Variants in CDK13 observed in about 807,000 individuals in gnomAD.
CDK13 encodes cyclin-dependent kinase 13.
A neutral mutation model predicts 137.6 loss-of-function variants in CDK13; 40 were observed. The ratio of observed to expected loss-of-function variants is 0.29; its 90% CI spans 0.23 to 0.38. The LOEUF (loss-of-function observed/expected upper bound fraction) is 0.38, where lower values mean the gene tolerates loss of function less well. CDK13 is among the 10% of genes least tolerant of loss of function. The pLI, the probability that CDK13 is intolerant of heterozygous loss-of-function variation, is 1.00. For synonymous variants in CDK13, 869 were observed against 760.1 expected (o/e 1.14, Z -2.36); for missense variants, 1,704 against 1,951.8 (o/e 0.87, Z 2.39).
intron 1 of CDK13, among the ~76,000 whole-genome samples, chr7:39,964,485 T>A (rs552331654): frequency 6.7e-6 from 1 of 149,974 alleles, no homozygotes; most frequent in South Asian, 2.1e-4. Context: ...TATCATTTTT[T>A]ATTGCATCTA....
At chr7:40,088,413 C>A in intron 12 of CDK13, 82 bp downstream of exon 12, 1 of 1,066,872 alleles carries the variant, frequency 9.4e-7, no homozygotes, top group Non-Finnish European at 1.4e-6. Flanking sequence ...GTTAAAGCAT[C>A]TTGTGGCTAA....
rs143986269 is a variant in CDK13, at chr7:40,055,874, G to A, written c.2601-6952G>A. On this transcript the variant is annotated intron_variant, in intron 7 of 13. Transcript: ENST00000181839. ...TGGGATTACAGGCATGAGCCACCACGCCCGGATGGATTTTCTTTTATTTGT... is the reference window on the plus strand; with the variant it reads ...TGGGATTACAGGCATGAGCCACCACACCCGGATGGATTTTCTTTTATTTGT... Among the ~76,000 whole-genome samples the A allele has an allele frequency of 4.5e-4, 68 of 152,196 alleles. No homozygotes were observed. In the East Asian group the frequency reaches 0.013, roughly 28 times the overall value.
intron 5 of CDK13, among the ~76,000 whole-genome samples, chr7:40,038,485 C>T (rs956574577): frequency 6.6e-6 from 1 of 152,046 alleles, no homozygotes; most frequent in African/African-American, 2.4e-5. Flanking sequence ...GGTACAAGTT[C>T]CTAGAATTGG....
At chr7:40,064,307 G>A (rs866907515) in intron 9 of CDK13, among the ~76,000 whole-genome samples, 3 of 148,852 alleles carry the variant, frequency 2.0e-5, no homozygotes, top group Non-Finnish European at 4.4e-5. Flanking sequence ...AAAAAAAGGT[G>A]GGGGGGCTTC....
At chr7:39,976,306 C>CTG (rs1202125244) in intron 1 of CDK13, among the ~76,000 whole-genome samples, 1 of 83,626 alleles carries the variant, frequency 1.2e-5, no homozygotes, top group African/African-American at 3.7e-5. Flanking sequence ...CTCTCTCTCT[C>CTG]TCTCTCTCTC....
intron 5 of CDK13, among the ~76,000 whole-genome samples, chr7:40,033,404 A>G (rs1304215501): frequency 6.6e-6 from 1 of 152,188 alleles, no homozygotes; most frequent in Non-Finnish European, 1.5e-5. Flanking sequence ...GCTATATCTG[A>G]GTCTGACTCT....
rs574782449 is a variant in CDK13, at chr7:40,006,545, G to A, written c.2353+4514G>A. On this transcript the variant is annotated intron_variant, in intron 5 of 13. Transcript: ENST00000181839. ...ATTCTCTGGGTAGGCTGAGTGTGGTGGCTAACACCTGTAATCCCAGCACTT... is the reference window on the plus strand; with the variant it reads ...ATTCTCTGGGTAGGCTGAGTGTGGTAGCTAACACCTGTAATCCCAGCACTT... 3.3e-5 allele frequency among the ~76,000 whole-genome samples: 5 copies of A among 152,254 alleles called. No individual in the cohort carries two copies. The South Asian group carries it at 1.0e-3, about 32-fold the overall frequency.
chr7:39,981,469 A>G (rs1784222283), intron 1 of CDK13, among the ~76,000 whole-genome samples: 1 of 152,108 alleles, frequency 6.6e-6, no homozygotes, highest in African/African-American at 2.4e-5. Flanking sequence ...ATAATTCATT[A>G]TATAGTTTTA....
At chr7:40,026,756 C>T (rs1785252042) in intron 5 of CDK13, among the ~76,000 whole-genome samples, 1 of 152,128 alleles carries the variant, frequency 6.6e-6, no homozygotes, top group African/African-American at 2.4e-5. Context: ...TTCCAGCCTT[C>T]ATTTTAAAAT....
At chr7:39,965,395 C>T (rs1255051110) in intron 1 of CDK13, among the ~76,000 whole-genome samples, 1 of 152,076 alleles carries the variant, frequency 6.6e-6, no homozygotes, top group African/African-American at 2.4e-5. Flanking sequence ...TTCTTTTGAT[C>T]TTTGTTGGCT....
chr7:40,077,727 A>G (rs1404043873), intron 9 of CDK13, among the ~76,000 whole-genome samples: 1 of 152,052 alleles, frequency 6.6e-6, no homozygotes, highest in Admixed American at 6.6e-5. Context: ...GTGGTGGCGC[A>G]TGCCTATAAT....
At position 39,988,489 on chromosome 7, in the gene CDK13, A is replaced by G. The variant is rs770538774; in HGVS notation, c.1871+231A>G. On this transcript the variant is annotated intron_variant, in intron 2 of 13. Coordinates refer to ENST00000181839, the MANE Select transcript of CDK13 (RefSeq NM_003718.5). ...GGAAAAATTGCCATTGTCTTGGGATACAATGAATATTTCAATATGATTTTG... is the reference window on the plus strand; with the variant it reads ...GGAAAAATTGCCATTGTCTTGGGATGCAATGAATATTTCAATATGATTTTG... Among the ~76,000 whole-genome samples the G allele has an allele frequency of 5.9e-5, 9 of 152,272 alleles. No homozygotes were observed. The East Asian group carries it at 1.4e-3, about 23-fold the overall frequency.
chr7:39,964,217 T>A lies in CDK13; in HGVS notation c.1211+12365T>A, dbSNP rs560894279. On this transcript the variant is annotated intron_variant, in intron 1 of 13. Transcript: ENST00000181839. ...TGGTACCAGCTCCTCCTTGTACCTC[T>A]GGTAGAATTCAGCTGTGAATCCATG... Among the ~76,000 whole-genome samples, 8 of 152,362 alleles carry A rather than the reference T, an allele frequency of 5.3e-5. No homozygotes were observed. In the South Asian group the frequency reaches 1.0e-3, roughly 20 times the overall value.
chr7:40,038,931 G>C (rs1383168083), intron 5 of CDK13, among the ~76,000 whole-genome samples: 1 of 152,124 alleles, frequency 6.6e-6, no homozygotes, highest in Non-Finnish European at 1.5e-5. Flanking sequence ...CCGACCTCAG[G>C]TGATCTGCCC....
At position 39,950,485 on chromosome 7, in the gene CDK13, C is replaced by T. The variant is rs1202362809; in HGVS notation, c.-157C>T. On this transcript the variant is annotated 5_prime_UTR_variant, in exon 1 of 14. Transcript: ENST00000181839. The stretch of plus-strand genomic sequence containing the variant: ...CCCACTGTGACCTGGAACCCAGGGA[C>T]CCGAGTCCCGACCCGGATTATCGTG... 10 of 1,261,102 alleles carry T rather than the reference C, an allele frequency of 7.9e-6. No individual in the cohort carries two copies. Among genetic ancestry groups the T allele is most frequent in the African/African-American group, 1.5e-5 (1 of 64,560 alleles). 78.1% of individuals were successfully genotyped at this position (1,261,102 alleles called of 1,614,324 possible). A position where few individuals can be genotyped will look rare whatever the true frequency, so the allele number is the denominator to read the frequency against.
intron 5 of CDK13, chr7:40,002,313 A>C: frequency 5.4e-6 from 1 of 184,168 alleles, no homozygotes; most frequent in Non-Finnish European, 1.1e-5. Flanking sequence ...TTCATTTTTT[A>C]GTAGTTGAAA....
At chr7:40,015,672 A>C (rs1784988652) in intron 5 of CDK13, among the ~76,000 whole-genome samples, 1 of 152,186 alleles carries the variant, frequency 6.6e-6, no homozygotes, top group African/African-American at 2.4e-5. Context: ...GGAAGAAATA[A>C]AAATTTTAGT....
chr7:39,962,881 A>G (rs987916326), intron 1 of CDK13, among the ~76,000 whole-genome samples: 14 of 152,198 alleles, frequency 9.2e-5, no homozygotes, highest in African/African-American at 3.1e-4. Flanking sequence ...TAAATAGGGA[A>G]TCCTTTCCCC....
chr7:40,094,330 G>A lies in CDK13; in HGVS notation c.3889G>A (p.Gly1297Arg), dbSNP rs139367044. The A allele has an allele frequency of 9.3e-6, 15 of 1,613,586 alleles. No homozygotes were observed. In the Admixed American group the frequency reaches 1.0e-4, roughly 11 times the overall value. The part of the protein sequence containing the change: ...TSSSLTDPHA[G>R]VKAALLQLLA... ...TTCTTCATTAACTGACCCTCATGCC[G>A]GAGTGAAGGCAGCCCTGTTACAGCT... is the stretch of plus-strand genomic sequence containing the variant. Residue 1297 changes from glycine to arginine, a missense_variant, in exon 14 of 14, where the codon GGA becomes AGA. Physicochemically the swap from Gly to Arg is moderately radical, Grantham distance 125 (BLOSUM62 -2). Around this residue, in one of 5 missense-constraint regions of CDK13, gnomAD observed 475 missense variants for 579.3 expected, o/e 0.82. Coordinates refer to ENST00000181839, the MANE Select transcript of CDK13 (RefSeq NM_003718.5).
Sources: gnomAD v4.1 joint callset for allele counts (sites outside exome capture counted in the v4.1 genomes callset) on GRCh38, gnomAD v4.1.1 for gene constraint, gnomAD v4.1.1 regional missense constraint, MANE v1.5 for transcripts, NCBI Gene and HGNC (gene_info 2026-07-23, HGNC 2026-07-21) for gene names.